The following GALNT1 variants were observed in gnomAD, a reference collection of about 807,000 sequenced individuals.
The protein encoded by GALNT1 is GalNAc transferase 1.
Under a neutral mutation model 65.7 loss-of-function variants are expected in GALNT1, and 17 were observed. The ratio of observed to expected loss-of-function variants is 0.26; its 90% CI spans 0.18 to 0.39. The LOEUF is 0.39. GALNT1 is among the 10% of genes least tolerant of loss of function. The pLI is 1.00. For missense variants in GALNT1, 460 were observed against 672.8 expected (o/e 0.68, Z 3.50); for synonymous variants, 210 against 219.7 (o/e 0.96, Z 0.39).
intron 1 of GALNT1, among the ~76,000 whole-genome samples, chr18:35,593,206 TAG>T (rs1245979419): frequency 1.3e-5 from 2 of 152,140 alleles, no homozygotes; most frequent in Non-Finnish European, 2.9e-5. Flanking sequence ...TTAGGAGGAT[TAG>T]AGAGGGCAGA....
In GALNT1 at chr18:35,598,022, CAA is replaced by C. The variant is rs1568012970; in HGVS notation, c.-104+16161_-104+16162del. Among the ~76,000 whole-genome samples the C allele has an allele frequency of 1.0e-3, 53 of 52,734 alleles. 8 individuals carry two copies. Among genetic ancestry groups the C allele is most frequent in the Non-Finnish European group, 1.3e-3 (31 of 23,526 alleles). The allele number at this position is 52,734 out of a possible 152,430, so 34.6% of individuals were successfully genotyped here. A position where few individuals can be genotyped will look rare whatever the true frequency, so the allele number is the denominator to read the frequency against. On this transcript the variant is annotated intron_variant, in intron 1 of 11. Coordinates refer to ENST00000269195, the MANE Select transcript of GALNT1 (RefSeq NM_020474.4). ...CCCTCCCCTCCCCTCCCCTCCCCTC[CAA>C]TCCCCTCCCATCCCCTCCCCTCCCT...
chr18:35,683,374 T>C lies in GALNT1; in HGVS notation c.482-17T>C, dbSNP rs2047815536. ...AGGCCACACTGGTTTGCATGTTTTC[T>C]TTTGTTCATTTTCCAGACTTTTTGA... On this transcript the variant is annotated splice_polypyrimidine_tract_variant and intron_variant, in intron 4 of 11. Coordinates refer to ENST00000269195, the MANE Select transcript of GALNT1 (RefSeq NM_020474.4). 6 of 1,603,350 alleles carry C rather than the reference T, an allele frequency of 3.7e-6. No homozygotes were observed. Among genetic ancestry groups the C allele is most frequent in the African/African-American group, 2.7e-5 (2 of 74,588 alleles).
chr18:35,605,704 C>G (rs1179104818), intron 1 of GALNT1, among the ~76,000 whole-genome samples: 1 of 151,936 alleles, frequency 6.6e-6, no homozygotes, highest in African/African-American at 2.4e-5. Flanking sequence ...AATGAACCCT[C>G]ATATACTCAT....
intron 1 of GALNT1, among the ~76,000 whole-genome samples, chr18:35,607,103 T>C (rs1465417703): frequency 6.6e-6 from 1 of 152,034 alleles, no homozygotes; most frequent in Non-Finnish European, 1.5e-5. Flanking sequence ...ATAAGTAGGC[T>C]GGCCACTCTG....
At chr18:35,634,166 A>T (rs1049262958) in intron 1 of GALNT1, among the ~76,000 whole-genome samples, 6 of 152,054 alleles carry the variant, frequency 3.9e-5, no homozygotes, top group Non-Finnish European at 7.4e-5. Context: ...TGTGTTGTTC[A>T]TTTTCTCATT....
intron 1 of GALNT1, among the ~76,000 whole-genome samples, chr18:35,639,638 T>C (rs1408492263): frequency 2.0e-5 from 3 of 152,210 alleles, no homozygotes; most frequent in Non-Finnish European, 2.9e-5. Context: ...ATTTTAGTAA[T>C]GATATCATTT....
chr18:35,586,344 CTGGTCCTTTGTTGGGTATG>C (rs2046377781), intron 1 of GALNT1, among the ~76,000 whole-genome samples: 1 of 152,162 alleles, frequency 6.6e-6, no homozygotes, highest in Non-Finnish European at 1.5e-5. Context: ...ATTCTAAATA[CTGGTCCTTTGTTGGGTATG>C]TTGTTTGTCT....
Position 35,683,446 on chromosome 18 carries a change from T to A in GALNT1, c.537T>A (p.His179Gln). Residue 179 changes from histidine to glutamine, a missense_variant, in exon 5 of 12, where the codon CAT (histidine) becomes CAA (glutamine). Coordinates refer to ENST00000269195, the MANE Select transcript of GALNT1 (RefSeq NM_020474.4). The part of the protein sequence containing the change: ...SYVKKLKVPV[H>Q]VIRMEQRSGL... ...TGAAAAAACTAAAAGTACCAGTTCA[T>A]GTAATTCGAATGGAACAACGTTCTG... is the stretch of plus-strand genomic sequence containing the variant. The A allele has an allele frequency of 6.2e-7, 1 of 1,613,816 alleles. No homozygotes were observed. Among genetic ancestry groups the A allele is most frequent in the East Asian group, 2.2e-5 (1 of 44,868 alleles).
At chr18:35,695,528 T>C (rs987195040) in intron 9 of GALNT1, among the ~76,000 whole-genome samples, 1 of 152,054 alleles carries the variant, frequency 6.6e-6, no homozygotes, top group African/African-American at 2.4e-5. Context: ...GGAAAGCAAG[T>C]AGATCACTGA....
At chr18:35,634,447 T>A (rs1325725597) in intron 1 of GALNT1, among the ~76,000 whole-genome samples, 1 of 152,184 alleles carries the variant, frequency 6.6e-6, no homozygotes, top group Non-Finnish European at 1.5e-5. Context: ...GCATCAGTTG[T>A]ACTAACAGCC....
At chr18:35,651,290 C>CT (rs1286068922) in intron 1 of GALNT1, among the ~76,000 whole-genome samples, 3 of 152,016 alleles carry the variant, frequency 2.0e-5, no homozygotes, top group Non-Finnish European at 2.9e-5. Context: ...TGATTTATGA[C>CT]TCAACAATGC....
chr18:35,627,963 GC>G (rs2046941880), intron 1 of GALNT1, among the ~76,000 whole-genome samples: 1 of 68,730 alleles, frequency 1.5e-5, no homozygotes, highest in Non-Finnish European at 4.4e-5. Context: ...ACGGAGCCTC[GC>G]TCATTGCTAG....
At chr18:35,678,039 A>T (rs1356064640) in intron 4 of GALNT1, among the ~76,000 whole-genome samples, 1 of 151,124 alleles carries the variant, frequency 6.6e-6, no homozygotes, top group East Asian at 1.9e-4. Flanking sequence ...CAGTGAAAAA[A>T]CTCTCATCAT....
At chr18:35,628,317 C>G (rs2046949261) in intron 1 of GALNT1, among the ~76,000 whole-genome samples, 1 of 152,192 alleles carries the variant, frequency 6.6e-6, no homozygotes, top group African/African-American at 2.4e-5. Context: ...AGGCACCCCC[C>G]AGTAGGGGCA....
chr18:35,650,247 A>G (rs2144361243), intron 1 of GALNT1, among the ~76,000 whole-genome samples: 1 of 152,326 alleles, frequency 6.6e-6, no homozygotes, highest in African/African-American at 2.4e-5. Flanking sequence ...CGAGCCGTAA[A>G]ACCAGCAAGT....
At chr18:35,626,583 T>G (rs2046920137) in intron 1 of GALNT1, among the ~76,000 whole-genome samples, 1 of 152,224 alleles carries the variant, frequency 6.6e-6, no homozygotes, top group African/African-American at 2.4e-5. Context: ...TGCTTTTCAC[T>G]GTAGTAGCAG....
intron 1 of GALNT1, among the ~76,000 whole-genome samples, chr18:35,634,380 G>T (rs1052054521): frequency 6.6e-6 from 1 of 152,056 alleles, no homozygotes. Context: ...ATTGTGTGGG[G>T]GTTCCCAAGA....
intron 1 of GALNT1, among the ~76,000 whole-genome samples, chr18:35,652,713 C>T (rs1213467389): frequency 6.6e-6 from 1 of 152,194 alleles, no homozygotes; most frequent in African/African-American, 2.4e-5. Context: ...ATCTTCCTTT[C>T]TCCCCATACT....
chr18:35,693,026 A>G (rs1229790763), intron 9 of GALNT1, among the ~76,000 whole-genome samples: 1 of 152,242 alleles, frequency 6.6e-6, no homozygotes, highest in African/African-American at 2.4e-5. Context: ...TTGATCTTAC[A>G]GTCCATGAGT....
Sources: allele counts gnomAD v4.1 joint callset (sites outside exome capture counted in the v4.1 genomes callset), GRCh38; gene constraint gnomAD v4.1.1; transcripts MANE v1.5; gene names NCBI Gene and HGNC (gene_info 2026-07-23, HGNC 2026-07-21).